Variants in SLC9A3 observed in about 807,000 individuals in gnomAD.
The protein encoded by SLC9A3 is solute carrier family 9 member A3.
A neutral mutation model predicts 86.8 loss-of-function variants in SLC9A3; 37 were observed. That is an observed-to-expected ratio of 0.43 (90% confidence interval 0.33 to 0.56). The LOEUF (loss-of-function observed/expected upper bound fraction) is 0.56, where lower values mean the gene tolerates loss of function less well. SLC9A3 is among the 20% of genes least tolerant of loss of function. SLC9A3 has a pLI of 0.06. For missense variants in SLC9A3, 1,011 were observed against 1,171.9 expected, an observed-to-expected ratio of 0.86 and a Z score of 2.00; for synonymous variants, 581 against 528.3, an observed-to-expected ratio of 1.10 and a Z score of -1.37.
intron 4 of SLC9A3, among the ~76,000 whole-genome samples, 172 bp from the exon 5 acceptor site, chr5:484,869 G>A (rs569345713): frequency 1.2e-4 from 19 of 152,330 alleles, no homozygotes; most frequent in Middle Eastern, 3.4e-3. Flanking sequence ...CAAGTGGGGA[G>A]GACCCTCCCG....
chr5:508,594 G>A (rs1049467028), intron 1 of SLC9A3, among the ~76,000 whole-genome samples: 6 of 146,364 alleles, frequency 4.1e-5, no homozygotes, highest in East Asian at 2.1e-4. Flanking sequence ...TGGAGATGCC[G>A]CAGGGAGACG....
rs982550927 is a variant in SLC9A3 at position 496,887 on chromosome 5, C to CA, written c.212-4817dup. On this transcript the variant is annotated intron_variant, in intron 1 of 16. Coordinates refer to ENST00000264938, the MANE Select transcript of SLC9A3 (RefSeq NM_004174.4). This position sits in a 1 kb window ranked among gnomAD's most constrained non-coding sequence, Gnocchi z 4.7. ...GCAACATGGCGAAACCCCATCTTTA[C>CA]AAAAAAAAATACAAAAACTCTGCTG... 4.9e-4 allele frequency among the ~76,000 whole-genome samples: 74 copies of CA among 150,152 alleles called. No homozygotes were observed. Among genetic ancestry groups the CA allele is most frequent in the African/African-American group, 1.2e-3 (49 of 40,892 alleles).
Position 487,468 on chromosome 5 carries a change from ACACTGACACCCACCG to A in SLC9A3, c.675+833_675+847del, listed in dbSNP as rs1432642552. On this transcript the variant is annotated intron_variant, in intron 3 of 16. Coordinates refer to ENST00000264938, the MANE Select transcript of SLC9A3 (RefSeq NM_004174.4). ...GATCCAGACCGCACTGACACCCACCACACTGACACCCACCGCACTGACACCCACCACACTGACACC... is the reference window on the plus strand; with the variant it reads ...GATCCAGACCGCACTGACACCCACCACACTGACACCCACCACACTGACACC... Among the ~76,000 whole-genome samples, 6 of 7,172 alleles carry A rather than the reference ACACTGACACCCACCG, an allele frequency of 8.4e-4. 2 individuals carry two copies. The highest frequency in any genetic ancestry group is 1.2e-3 in the Non-Finnish European group (2 of 1,706). The allele number at this position is 7,172 out of a possible 152,430, so 4.7% of individuals were successfully genotyped here. A position where few individuals can be genotyped will look rare whatever the true frequency, so the allele number is the denominator to read the frequency against.
chr5:477,534 CG>C, intron 10 of SLC9A3, 90 bp from the exon 11 acceptor site: 1 of 838,632 alleles, frequency 1.2e-6, no homozygotes, highest in East Asian at 2.9e-5. Context: ...GCCCAGAGCT[CG>C]GGGCCCGGGG....
At chr5:484,771 C>CTG in intron 4 of SLC9A3, 74 bp from the exon 5 acceptor site, 1 of 1,474,112 alleles carries the variant, frequency 6.8e-7, no homozygotes, top group Non-Finnish European at 9.4e-7. Context: ...CTGGTGACCC[C>CTG]GCGGAAGTGC....
rs547420078 is a variant in SLC9A3 at position 487,737 on chromosome 5, G to A, written c.675+579C>T. Among the ~76,000 whole-genome samples the A allele has an allele frequency of 8.5e-5, 13 of 152,316 alleles. No homozygotes were observed. The South Asian group carries it at 1.7e-3, about 19-fold the overall frequency. ...GGCTGGAGTGCGATGGCACGATCTCGGCTCATTGCAACCTCTGCCTCCTGG... is the reference window on the plus strand; with the variant it reads ...GGCTGGAGTGCGATGGCACGATCTCAGCTCATTGCAACCTCTGCCTCCTGG... On this transcript the variant is annotated intron_variant, in intron 3 of 16. Coordinates refer to ENST00000264938, the MANE Select transcript of SLC9A3 (RefSeq NM_004174.4).
intron 1 of SLC9A3, among the ~76,000 whole-genome samples, chr5:520,855 G>A (rs779337710): frequency 3.3e-5 from 5 of 152,146 alleles, no homozygotes; most frequent in Non-Finnish European, 7.4e-5. Flanking sequence ...TCTCTGCAAG[G>A]CACAGCCTCA....
Position 476,545 on chromosome 5 carries a change from C to T in SLC9A3, c.1888G>A (p.Glu630Lys). ...LQQYLYKPRQ[E>K]YKHLYSRHEL... The stretch of plus-strand genomic sequence containing the variant: ...AGCCCCCAGCCCGCAGTGCCCACCT[C>T]CTGCCGCGGCTTGTACAGGTACTGC... The change falls in exon 12 of 17, where the codon GAG (glutamate) becomes AAG (lysine). Residue 630 changes from glutamate to lysine, a missense_variant and splice_region_variant. Transcript: ENST00000264938. The T allele has an allele frequency of 6.2e-7, 1 of 1,611,126 alleles. No homozygotes were observed. Among genetic ancestry groups the T allele is most frequent in the Non-Finnish European group, 8.5e-7 (1 of 1,179,670 alleles).
chr5:476,359 C>G lies in SLC9A3; in HGVS notation c.1910G>C (p.Arg637Pro), dbSNP rs577147781. 2 of 1,613,800 alleles carry G rather than the reference C, an allele frequency of 1.2e-6. No homozygotes were observed. The highest frequency in any genetic ancestry group is 1.7e-5 in the Admixed American group (1 of 60,028). Residue 637 changes from arginine (R) to proline (P), a missense_variant, in exon 13 of 17, where the codon CGA becomes CCA. Arg to Pro is a moderately radical substitution (Grantham distance 103). Transcript: ENST00000264938. ...PRQEYKHLYS[R>P]HELTPTEDEK... is the part of the protein sequence containing the mutation. ...GTCCTCCGTGGGCGTGAGCTCGTGT[C>G]GGCTGTACAGATGCTTGTACTGCGG...
In SLC9A3 at chr5:481,576, A is replaced by G. The variant is rs2126615895; in HGVS notation, c.1506T>C (p.Tyr502=). Residue 502 remains tyrosine, a synonymous_variant, in exon 9 of 17, where the codon TAT becomes TAC. Coordinates refer to ENST00000264938, the MANE Select transcript of SLC9A3 (RefSeq NM_004174.4). ...EDISGQIGHN[Y]LRDKWSHFDR... is the part of the protein sequence containing the mutation. The stretch of plus-strand genomic sequence containing the variant: ...TCCCAGCCACTTACTTGTCTCTGAG[A>G]TAATTGTGCCCGATCTGTCCGGATA... 1 of 1,613,838 alleles carries G rather than the reference A, an allele frequency of 6.2e-7. No individual in the cohort carries two copies. The highest frequency in any genetic ancestry group is 8.5e-7 in the Non-Finnish European group (1 of 1,179,774).
chr5:483,216 G>T, intron 6 of SLC9A3, 46 bp downstream of exon 6: 1 of 1,401,522 alleles, frequency 7.1e-7, no homozygotes, highest in South Asian at 1.2e-5. Flanking sequence ...CGGAGACGGT[G>T]CCGGCCCATC....
intron 1 of SLC9A3, among the ~76,000 whole-genome samples, chr5:492,708 C>T (rs1227734633): frequency 6.6e-6 from 1 of 152,098 alleles, no homozygotes; most frequent in Admixed American, 6.5e-5. Context: ...GGTTCTGGTC[C>T]CCCGGACCCC....
Position 513,715 on chromosome 5 carries a change from A to G in SLC9A3, c.211+10397T>C, listed in dbSNP as rs1418208337. Among the ~76,000 whole-genome samples the G allele has an allele frequency of 3.3e-5, 5 of 152,324 alleles. 1 individual carries two copies. Among genetic ancestry groups the G allele is most frequent in the Middle Eastern group, 6.8e-3 (2 of 294 alleles). On this transcript the variant is annotated intron_variant, in intron 1 of 16. Coordinates refer to ENST00000264938, the MANE Select transcript of SLC9A3 (RefSeq NM_004174.4). The stretch of plus-strand genomic sequence containing the variant: ...CCAGGGACAGCTCTGGTGGGCAGAC[A>G]GCAGCCCCGGGCCACCCTCGCCTTC...
rs778806608 is a variant in SLC9A3 at position 474,909 on chromosome 5, G to A, written c.2475C>T (p.Pro825=). ...TGTGTGTGGACTCGGGGAGGGCGGC[G>A]GGGGGCCGCTCCTCGGGGCCGTCTG... ...LQADGPEERP[P]AALPESTHM Residue 825 remains proline (P), a synonymous_variant, in exon 16 of 17, where the codon CCC becomes CCT. Transcript: ENST00000264938. 6.3e-7 allele frequency: 1 copy of A among 1,595,186 alleles called. No homozygotes were observed. The highest frequency in any genetic ancestry group is 1.1e-5 in the South Asian group (1 of 88,988).
chr5:511,396 T>C (rs1186150821), intron 1 of SLC9A3, among the ~76,000 whole-genome samples: 1 of 152,194 alleles, frequency 6.6e-6, no homozygotes, highest in African/African-American at 2.4e-5. Flanking sequence ...GCAAAACACA[T>C]ATCTCCTAAA....
At chr5:517,584 A>G (rs1202274330) in intron 1 of SLC9A3, among the ~76,000 whole-genome samples, 1 of 150,118 alleles carries the variant, frequency 6.7e-6, no homozygotes, top group Non-Finnish European at 1.5e-5. Context: ...CCATCCACCT[A>G]TCCATCCATC....
intron 1 of SLC9A3, among the ~76,000 whole-genome samples, chr5:495,444 T>C (rs1739983699): frequency 3.3e-5 from 2 of 61,504 alleles, no homozygotes; most frequent in African/African-American, 7.1e-5. Flanking sequence ...CTCCCCACGC[T>C]CCACTCCCCG....
At position 482,711 on chromosome 5, in the gene SLC9A3, A is replaced by G. The variant is rs1388173963; in HGVS notation, c.1193T>C (p.Met398Thr). ...LQTWLLNRYR[M>T]VQLEPIDQVV... is the part of the protein sequence containing the mutation. ...CTGGTCAATGGGCTCCAGCTGCACC[A>G]TGCGGTAGCGGTTCAGAAGCCAGGT... The change falls in exon 7 of 17, where the codon ATG becomes ACG. Residue 398 changes from methionine to threonine, a missense_variant. Physicochemically the swap from Met to Thr is moderately conservative, Grantham distance 81. Coordinates refer to ENST00000264938, the MANE Select transcript of SLC9A3 (RefSeq NM_004174.4). The G allele has an allele frequency of 6.2e-7, 1 of 1,611,358 alleles. No individual in the cohort carries two copies. The highest frequency in any genetic ancestry group is 1.3e-5 in the African/African-American group (1 of 74,830).
chr5:490,793 G>A (rs1194061767), intron 2 of SLC9A3, among the ~76,000 whole-genome samples: 1 of 152,206 alleles, frequency 6.6e-6, no homozygotes, highest in East Asian at 1.9e-4. Context: ...CCACGTGACG[G>A]GCCTGCCATC....
Sources: gnomAD v4.1 joint callset for allele counts (sites outside exome capture counted in the v4.1 genomes callset) on GRCh38, gnomAD v4.1.1 for gene constraint, Gnocchi (gnomAD v3.1) non-coding constraint, MANE v1.5 for transcripts, NCBI Gene and HGNC (gene_info 2026-07-23, HGNC 2026-07-21) for gene names.